CAMK2D: variants seen among roughly 807,000 people sequenced by gnomAD.
CAMK2D encodes the protein calcium/calmodulin dependent protein kinase II delta.
Under a neutral mutation model 84.0 loss-of-function variants are expected in CAMK2D, and 37 were observed. The ratio of observed to expected loss-of-function variants is 0.44; its 90% CI spans 0.34 to 0.58. The LOEUF is 0.58. Among genes scored for constraint, CAMK2D ranks in the 20% least tolerant of loss-of-function variants. The pLI, the probability that CAMK2D is intolerant of heterozygous loss-of-function variation, is 0.02. For synonymous variants in CAMK2D, 202 were observed against 212.5 expected, an observed-to-expected ratio of 0.95 and a Z score of 0.43; for missense variants, 448 against 652.5, an observed-to-expected ratio of 0.69 and a Z score of 3.41.
chr4:113,633,576 T>C (rs2099098751), intron 3 of CAMK2D, among the ~76,000 whole-genome samples: 1 of 152,164 alleles, frequency 6.6e-6, no homozygotes, highest in African/African-American at 2.4e-5. Flanking sequence ...CCAGGGGGAA[T>C]TAATGTCACA....
At chr4:113,601,928 C>T (rs1412780853) in intron 4 of CAMK2D, among the ~76,000 whole-genome samples, 1 of 151,868 alleles carries the variant, frequency 6.6e-6, no homozygotes, top group Non-Finnish European at 1.5e-5. Context: ...AACTCCTGGG[C>T]TTAAGCGATC....
At chr4:113,468,076 G>T (rs759503190) in intron 16 of CAMK2D, among the ~76,000 whole-genome samples, 1 of 151,994 alleles carries the variant, frequency 6.6e-6, no homozygotes, top group Non-Finnish European at 1.5e-5. Context: ...TCAGTTTATA[G>T]AGTGTGAAGA....
chr4:113,644,792 T>G (rs1401430729), intron 3 of CAMK2D, among the ~76,000 whole-genome samples: 1 of 152,080 alleles, frequency 6.6e-6, no homozygotes, highest in Non-Finnish European at 1.5e-5. Flanking sequence ...GGATTCAGAA[T>G]CTACAAAGTG....
chr4:113,687,957 C>G (rs1042390854), intron 2 of CAMK2D, among the ~76,000 whole-genome samples: 1 of 152,108 alleles, frequency 6.6e-6, no homozygotes, highest in Non-Finnish European at 1.5e-5. Context: ...CAGAATAATA[C>G]TTATATTTGC....
intron 3 of CAMK2D, among the ~76,000 whole-genome samples, chr4:113,641,769 A>G (rs2099133080): frequency 6.6e-6 from 1 of 152,174 alleles, no homozygotes; most frequent in Non-Finnish European, 1.5e-5. Flanking sequence ...GCACTTTAGG[A>G]GGCCGAGGTG....
chr4:113,727,915 C>A (rs1345195327), intron 2 of CAMK2D, among the ~76,000 whole-genome samples: 2 of 152,010 alleles, frequency 1.3e-5, no homozygotes, highest in Non-Finnish European at 2.9e-5. Context: ...TTAAAAGGGA[C>A]CCAATATCAT....
chr4:113,605,895 C>T lies in CAMK2D; in HGVS notation c.275+3257G>A, dbSNP rs557606530. Among the ~76,000 whole-genome samples the T allele has an allele frequency of 6.1e-4, 93 of 151,920 alleles. 3 individuals carry two copies. The South Asian group carries it at 0.019, about 31-fold the overall frequency. ...AATCCAAAGTCTTATAAAATAATAC[C>T]CCCAAATGTTCAGGATATAATCCAA... is the stretch of plus-strand genomic sequence containing the variant. On this transcript the variant is annotated intron_variant, in intron 4 of 20. Transcript: ENST00000511664.
chr4:113,748,012 G>T (rs2099608535), intron 2 of CAMK2D, among the ~76,000 whole-genome samples: 2 of 151,816 alleles, frequency 1.3e-5, no homozygotes, highest in Non-Finnish European at 2.9e-5. Flanking sequence ...CATATACTTT[G>T]AACTTGTTTT....
intron 6 of CAMK2D, among the ~76,000 whole-genome samples, chr4:113,540,395 C>T (rs770591858): frequency 6.6e-6 from 1 of 152,126 alleles, no homozygotes; most frequent in African/African-American, 2.4e-5. Flanking sequence ...TTTTCTAACA[C>T]GAATCAGACA....
intron 16 of CAMK2D, among the ~76,000 whole-genome samples, chr4:113,489,912 ATG>A (rs2097808786): frequency 6.9e-6 from 1 of 145,916 alleles, no homozygotes; most frequent in Non-Finnish European, 1.5e-5. Flanking sequence ...GCATTTTTTC[ATG>A]TGTTTTTTGG....
intron 13 of CAMK2D, among the ~76,000 whole-genome samples, chr4:113,508,617 C>T (rs1364917467): frequency 1.3e-5 from 2 of 152,182 alleles, no homozygotes; most frequent in African/African-American, 4.8e-5. Context: ...AATGAAGACA[C>T]AATTGCAGGC....
At chr4:113,630,328 C>T (rs2099084364) in intron 3 of CAMK2D, among the ~76,000 whole-genome samples, 1 of 152,162 alleles carries the variant, frequency 6.6e-6, no homozygotes, top group Non-Finnish European at 1.5e-5. Flanking sequence ...TTCATTCTCA[C>T]TAAAATTAAT....
chr4:113,516,314 C>A (rs369443284), intron 9 of CAMK2D, among the ~76,000 whole-genome samples: 1 of 152,122 alleles, frequency 6.6e-6, no homozygotes, highest in South Asian at 2.1e-4. Context: ...AAGAAACACA[C>A]GAGGCTGTTT....
chr4:113,755,207 C>A (rs947732627), intron 2 of CAMK2D: 6 of 266,192 alleles, frequency 2.3e-5, no homozygotes, highest in African/African-American at 1.2e-4. Context: ...CACACACACA[C>A]AAAACATTTA....
chr4:113,534,886 A>T (rs929188025), intron 7 of CAMK2D, among the ~76,000 whole-genome samples: 1 of 152,236 alleles, frequency 6.6e-6, no homozygotes, highest in East Asian at 1.9e-4. Context: ...AATCAGAGCC[A>T]AGATATAAAT....
At chr4:113,655,006 GT>G (rs2099192519) in intron 3 of CAMK2D, among the ~76,000 whole-genome samples, 2 of 152,024 alleles carry the variant, frequency 1.3e-5, no homozygotes, top group Admixed American at 1.3e-4. Flanking sequence ...TTACTACTTG[GT>G]AAGCAGTACC....
At chr4:113,545,484 T>G (rs1376818623) in intron 6 of CAMK2D, among the ~76,000 whole-genome samples, 1 of 152,198 alleles carries the variant, frequency 6.6e-6, no homozygotes, top group African/African-American at 2.4e-5. Flanking sequence ...ATAAAAAATT[T>G]CAGCACTTGA....
At chr4:113,644,046 C>T (rs755478687) in intron 3 of CAMK2D, among the ~76,000 whole-genome samples, 6 of 152,040 alleles carry the variant, frequency 3.9e-5, no homozygotes, top group Non-Finnish European at 8.8e-5. Context: ...TAGTTTATAC[C>T]TATTATTGTC....
intron 16 of CAMK2D, among the ~76,000 whole-genome samples, chr4:113,476,907 C>T (rs79548413): frequency 0.029 from 4,413 of 152,222 alleles, 215 homozygotes; most frequent in African/African-American, 0.098. Context: ...GAAACTAACT[C>T]AGCACATGAA....
Sources: gnomAD v4.1 joint callset for allele counts (sites outside exome capture counted in the v4.1 genomes callset) on GRCh38, gnomAD v4.1.1 for gene constraint, MANE v1.5 for transcripts, NCBI Gene and HGNC (gene_info 2026-07-23, HGNC 2026-07-21) for gene names.